RALYL: variants seen among roughly 807,000 people sequenced by gnomAD.
RALYL encodes the protein RALY RNA binding protein like.
In RALYL, 29 loss-of-function variants were observed where a neutral mutation model predicts 35.1. The observed-to-expected ratio is 0.83, with a 90% CI of 0.61 to 1.13. The LOEUF is 1.13. RALYL is among the 50% of genes most tolerant of loss of function. The pLI is 0.00. For synonymous variants in RALYL, 120 were observed against 127.6 expected, an observed-to-expected ratio of 0.94 and a Z score of 0.40; for missense variants, 359 against 360.4, an observed-to-expected ratio of 1.00 and a Z score of 0.03.
intron 1 of RALYL, among the ~76,000 whole-genome samples, chr8:84,442,997 T>A (rs2048495930): frequency 6.6e-6 from 1 of 152,148 alleles, no homozygotes; most frequent in African/African-American, 2.4e-5. Context: ...GCCTACCTCA[T>A]GAAGCTGTTG....
intron 2 of RALYL, among the ~76,000 whole-genome samples, chr8:84,561,776 G>A (rs1286276267): frequency 2.0e-5 from 3 of 151,904 alleles, no homozygotes; most frequent in Non-Finnish European, 4.4e-5. Context: ...ACATAGGGAC[G>A]ATTTGGGTTC....
intron 4 of RALYL, among the ~76,000 whole-genome samples, chr8:84,847,636 A>G (rs1419030138): frequency 6.6e-6 from 1 of 152,136 alleles, no homozygotes; most frequent in East Asian, 1.9e-4. Flanking sequence ...CTATACTATT[A>G]GAATAAACTA....
intron 1 of RALYL, among the ~76,000 whole-genome samples, chr8:84,209,125 CAAAA>C (rs60246316): frequency 4.1e-5 from 4 of 97,488 alleles, no homozygotes; most frequent in Non-Finnish European, 6.1e-5. Flanking sequence ...ACTCCTCCAC[CAAAA>C]AAAAAAAAAA....
At chr8:84,538,585 A>T (rs763496878) in intron 2 of RALYL, among the ~76,000 whole-genome samples, 23 of 152,194 alleles carry the variant, frequency 1.5e-4, no homozygotes, top group African/African-American at 5.5e-4. Flanking sequence ...ATGAAATAAC[A>T]TAAAATATAA....
intron 8 of RALYL, among the ~76,000 whole-genome samples, chr8:84,906,306 A>ATATTGAG (rs1846485149): frequency 2.6e-5 from 4 of 152,152 alleles, no homozygotes; most frequent in African/African-American, 9.7e-5. Context: ...ATTTTTTAAA[A>ATATTGAG]TATTGAGTAT....
intron 2 of RALYL, among the ~76,000 whole-genome samples, chr8:84,621,586 C>T (rs565365148): frequency 4.5e-5 from 6 of 133,724 alleles, no homozygotes; most frequent in Admixed American, 1.4e-4. Flanking sequence ...AGCTGTAGAC[C>T]GGAGCTGTTC....
At chr8:84,237,124 G>A (rs1826762703) in intron 1 of RALYL, among the ~76,000 whole-genome samples, 1 of 152,142 alleles carries the variant, frequency 6.6e-6, no homozygotes, top group African/African-American at 2.4e-5. Context: ...CACATTTTAA[G>A]ATACTTCTTA....
At chr8:84,419,566 A>G (rs112847900) in intron 1 of RALYL, among the ~76,000 whole-genome samples, 1 of 150,920 alleles carries the variant, frequency 6.6e-6, no homozygotes, top group Non-Finnish European at 1.5e-5. Context: ...ATTATTATAC[A>G]TTAAGTTTTA....
chr8:84,498,834 A>T (rs976780110), intron 1 of RALYL, among the ~76,000 whole-genome samples: 4 of 152,152 alleles, frequency 2.6e-5, no homozygotes, highest in Admixed American at 6.6e-5. Flanking sequence ...TTTCCTGAGG[A>T]GTTAGAAAAA....
At chr8:84,808,064 T>C (rs112134594) in intron 4 of RALYL, among the ~76,000 whole-genome samples, 21 of 152,336 alleles carry the variant, frequency 1.4e-4, no homozygotes, top group African/African-American at 5.1e-4. Context: ...TGCGGGTTCT[T>C]GGTCATGAAA....
intron 2 of RALYL, among the ~76,000 whole-genome samples, chr8:84,632,657 T>C (rs981125137): frequency 6.6e-6 from 1 of 151,614 alleles, no homozygotes; most frequent in African/African-American, 2.4e-5. Flanking sequence ...TTTAGTATAT[T>C]CCAGTACAGT....
chr8:84,850,931 T>C (rs1448792027), intron 5 of RALYL, among the ~76,000 whole-genome samples: 2 of 152,222 alleles, frequency 1.3e-5, no homozygotes, highest in East Asian at 1.9e-4. Context: ...TCCTCACTTA[T>C]GTCGATAAGT....
chr8:84,460,718 A>G (rs2050671703), intron 1 of RALYL, among the ~76,000 whole-genome samples: 1 of 151,710 alleles, frequency 6.6e-6, no homozygotes, highest in African/African-American at 2.4e-5. Flanking sequence ...CAAAAGTGGA[A>G]AAAGAACTTT....
Position 84,920,939 on chromosome 8 carries a change from C to A in RALYL, c.*28C>A. Reference sequence around the variant, plus strand: ...TGAAATAACGCATGATGCCACAAAGCAGAAAAGAGAAACTGTGACAACCCC... The same window carrying A: ...TGAAATAACGCATGATGCCACAAAGAAGAAAAGAGAAACTGTGACAACCCC... On this transcript the variant is annotated 3_prime_UTR_variant, in exon 9 of 9. Coordinates refer to ENST00000521268, the MANE Select transcript of RALYL (RefSeq NM_173848.7). 7.1e-7 allele frequency: 1 copy of A among 1,399,590 alleles called. No individual in the cohort carries two copies. The highest frequency in any genetic ancestry group is 9.5e-7 in the Non-Finnish European group (1 of 1,047,642). The allele number at this position is 1,399,590 out of a possible 1,614,324, so 86.7% of individuals were successfully genotyped here.
At chr8:84,262,421 C>T (rs1355585927) in intron 1 of RALYL, among the ~76,000 whole-genome samples, 1 of 152,048 alleles carries the variant, frequency 6.6e-6, no homozygotes, top group Non-Finnish European at 1.5e-5. Context: ...TTTATAGTTT[C>T]TTTTTCTGGA....
chr8:84,615,713 T>A (rs1326053698), intron 2 of RALYL, among the ~76,000 whole-genome samples: 1 of 139,098 alleles, frequency 7.2e-6, no homozygotes, highest in Non-Finnish European at 1.5e-5. Context: ...TCATCTAGCA[T>A]TAGGTATATC....
At position 84,359,174 on chromosome 8, in the gene RALYL, T is replaced by C. The variant is rs557430737; in HGVS notation, c.-23-170125T>C. 6.6e-4 allele frequency among the ~76,000 whole-genome samples: 100 copies of C among 151,956 alleles called. 2 individuals carry two copies. In the South Asian group the frequency reaches 0.02, roughly 30 times the overall value. On this transcript the variant is annotated intron_variant, in intron 1 of 8. Transcript: ENST00000521268. ...ACAGTATGTAACCCTAATTTTATTT[T>C]CTTTGGGAACAGGGTGGGGGTTTGG... is the stretch of plus-strand genomic sequence containing the variant.
intron 1 of RALYL, among the ~76,000 whole-genome samples, chr8:84,277,305 T>C (rs777798539): frequency 3.2e-4 from 49 of 152,164 alleles, no homozygotes; most frequent in Non-Finnish European, 6.2e-4. Flanking sequence ...CATCAGATCT[T>C]GTGAGACTTA....
Position 84,595,767 on chromosome 8 carries a change from T to G in RALYL, c.256+66190T>G, listed in dbSNP as rs531837169. Reference sequence around the variant, plus strand: ...AGAGTGAAGTTAAAACCATAAGTTTTTTTTTTTTTTTTTTTTGGCATCCAA... The same window carrying G: ...AGAGTGAAGTTAAAACCATAAGTTTGTTTTTTTTTTTTTTTTGGCATCCAA... On this transcript the variant is annotated intron_variant, in intron 2 of 8. Coordinates refer to ENST00000521268, the MANE Select transcript of RALYL (RefSeq NM_173848.7). 1.2e-4 allele frequency among the ~76,000 whole-genome samples: 18 copies of G among 144,592 alleles called. 2 individuals are homozygous for G. Among genetic ancestry groups the G allele is most frequent in the Admixed American group, 1.1e-3 (17 of 14,916 alleles). The allele number at this position is 144,592 out of a possible 152,430, so 94.9% of individuals were successfully genotyped here. A position where few individuals can be genotyped will look rare whatever the true frequency, so the allele number is the denominator to read the frequency against.
Sources: allele counts gnomAD v4.1 joint callset (sites outside exome capture counted in the v4.1 genomes callset), GRCh38; gene constraint gnomAD v4.1.1; transcripts MANE v1.5; gene names NCBI Gene and HGNC (gene_info 2026-07-23, HGNC 2026-07-21).